The following CEP170B variants were observed in gnomAD, a reference collection of about 807,000 sequenced individuals.
CEP170B encodes the protein centrosomal protein 170B.
A neutral mutation model predicts 120.6 loss-of-function variants in CEP170B; 55 were observed. The observed-to-expected ratio is 0.46, with a 90% CI of 0.37 to 0.57. The LOEUF (loss-of-function observed/expected upper bound fraction) is 0.57, where lower values mean the gene tolerates loss of function less well. Ranked by LOEUF, CEP170B falls within the 20% of genes least tolerant of loss-of-function variation. The probability of loss-of-function intolerance (pLI) is 0.00; values close to 1 mark genes in which losing one functional copy is unlikely to be tolerated. For synonymous variants in CEP170B, 1,033 were observed against 954.5 expected (o/e 1.08, Z -1.52); for missense variants, 2,212 against 2,253.3 (o/e 0.98, Z 0.37).
intron 18 of CEP170B, 23 bp from the exon 19 acceptor site, chr14:104,894,688 T>C: frequency 6.4e-7 from 1 of 1,569,082 alleles, no homozygotes; most frequent in Non-Finnish European, 8.7e-7. Flanking sequence ...ATCCGCAGCC[T>C]GACCCTCCCT....
In CEP170B at chr14:104,886,872, C is replaced by T; in HGVS notation, c.2633C>T (p.Pro878Leu). Residue 878 changes from proline to leucine, a missense_variant, in exon 12 of 19, where the codon CCA (proline) becomes CTA (leucine). Coordinates refer to ENST00000414716, the MANE Select transcript of CEP170B (RefSeq NM_001112726.3). ...ACTAAGGAGCCAGCCAGTGGTCCCC[C>T]AGCGCCCGGCAAGCCCCCCCACATC... is the stretch of plus-strand genomic sequence containing the variant. ...SFTKEPASGP[P>L]APGKPPHISS... 6.2e-7 allele frequency: 1 copy of T among 1,610,658 alleles called. No homozygotes were observed. The highest frequency in any genetic ancestry group is 8.5e-7 in the Non-Finnish European group (1 of 1,179,806).
In CEP170B at chr14:104,877,748, G is replaced by A. The variant is rs562989853; in HGVS notation, c.196-137G>A. ...AGTGCTGCACAGGCCATCACTCGCC[G>A]TGGGTTCCAGAGAGTTGGTGCCCCC... On this transcript the variant is annotated intron_variant, in intron 3 of 18. Transcript: ENST00000414716. The A allele has an allele frequency of 4.8e-5, 31 of 648,816 alleles. 1 individual carries two copies. Among genetic ancestry groups the A allele is most frequent in the South Asian group, 1.9e-4 (11 of 57,048 alleles). The allele number at this position is 648,816 out of a possible 1,614,324, so 40.2% of individuals were successfully genotyped here. A position where few individuals can be genotyped will look rare whatever the true frequency, so the allele number is the denominator to read the frequency against.
At position 104,895,049 on chromosome 14, in the gene CEP170B, T is replaced by C; in HGVS notation, c.*91T>C. 7.2e-7 allele frequency: 1 copy of C among 1,390,526 alleles called. No homozygotes were observed. The highest frequency in any genetic ancestry group is 9.6e-7 in the Non-Finnish European group (1 of 1,045,444). 86.1% of individuals were successfully genotyped at this position (1,390,526 alleles called of 1,614,324 possible). A position where few individuals can be genotyped will look rare whatever the true frequency, so the allele number is the denominator to read the frequency against. Reference sequence around the variant, plus strand: ...CCGCCTGCCTGGCCGCAGGTGGTTCTCCCTGAAGACCCCCACATGTGCCAT... The same window carrying C: ...CCGCCTGCCTGGCCGCAGGTGGTTCCCCCTGAAGACCCCCACATGTGCCAT... On this transcript the variant is annotated 3_prime_UTR_variant, in exon 19 of 19. Transcript: ENST00000414716.
rs772484526 is a variant in CEP170B at position 104,883,285 on chromosome 14, C to T, written c.828C>T (p.Cys276=). Reference sequence around the variant, plus strand: ...CCTTCACCATCGAGTTTGATGACTGCAGCCCTGGCAAGATGAAGATCAAGG... The same window carrying T: ...CCTTCACCATCGAGTTTGATGACTGTAGCCCTGGCAAGATGAAGATCAAGG... ...HASFTIEFDD[C]SPGKMKIKDH... is the part of the protein sequence containing the mutation. Residue 276 remains cysteine (C), a synonymous_variant, in exon 8 of 19, where the codon TGC becomes TGT. Coordinates refer to ENST00000414716, the MANE Select transcript of CEP170B (RefSeq NM_001112726.3). 1.2e-6 allele frequency: 2 copies of T among 1,612,000 alleles called. No homozygotes were observed. The highest frequency in any genetic ancestry group is 3.3e-5 in the Admixed American group (2 of 59,950).
At chr14:104,890,088 G>GGGTGGGTA (rs1454065740) in intron 13 of CEP170B, among the ~76,000 whole-genome samples, 1 of 100,776 alleles carries the variant, frequency 9.9e-6, no homozygotes, top group Non-Finnish European at 2.0e-5. Context: ...GTGGATGGCT[G>GGGTGGGTA]GGTGGGTAGG....
intron 5 of CEP170B, 48 bp from the exon 6 acceptor site, chr14:104,880,239 C>G (rs1296242693): frequency 5.8e-6 from 9 of 1,553,786 alleles, no homozygotes; most frequent in Non-Finnish European, 7.8e-6. Flanking sequence ...CTGGTGGGTT[C>G]CTCCTGAGGC....
intron 3 of CEP170B, 45 bp from the exon 4 acceptor site, chr14:104,877,835 CACCCA>C: frequency 2.1e-6 from 1 of 473,638 alleles, no homozygotes; most frequent in Non-Finnish European, 3.7e-6. Context: ...TGCCCACAGC[CACCCA>C]CCCGCGCAGC....
At position 104,891,262 on chromosome 14, in the gene CEP170B, GGAGT is replaced by G. The variant is rs1440991239; in HGVS notation, c.3878+1508_3878+1511del. Among the ~76,000 whole-genome samples the G allele has an allele frequency of 2.0e-5, 3 of 152,158 alleles. No homozygotes were observed. Among genetic ancestry groups the G allele is most frequent in the African/African-American group, 7.2e-5 (3 of 41,418 alleles). Reference sequence around the variant, plus strand: ...GGAGGATGGGGTAGGGAGTTGGGTGGGAGTGAGAGTGGTCTTTGCCAAGCAGTGG... The same window carrying G: ...GGAGGATGGGGTAGGGAGTTGGGTGGGAGAGTGGTCTTTGCCAAGCAGTGG... On this transcript the variant is annotated intron_variant, in intron 13 of 18. Coordinates refer to ENST00000414716, the MANE Select transcript of CEP170B (RefSeq NM_001112726.3). This position sits in a 1 kb window ranked among gnomAD's most constrained non-coding sequence, Gnocchi z 4.3.
rs1268786852 is a variant in CEP170B, at chr14:104,887,544, C to T, written c.3305C>T (p.Ser1102Phe). ...GAGCAGAGCCGTAGCTCAGCCAGCT[C>T]CCAGAAGGGGCCGCAGGCCTTGACC... ...REEQSRSSAS[S>F]QKGPQALTRS... Residue 1102 changes from serine (S) to phenylalanine (F), a missense_variant, in exon 12 of 19, where the codon TCC becomes TTC. By Grantham distance (155) the Ser-to-Phe change is radical (BLOSUM62 -2). Transcript: ENST00000414716. 6.2e-7 allele frequency: 1 copy of T among 1,609,552 alleles called. No homozygotes were observed. Among genetic ancestry groups the T allele is most frequent in the Non-Finnish European group, 8.5e-7 (1 of 1,178,958 alleles).
At chr14:104,885,290 G>A in intron 9 of CEP170B, 79 bp from the exon 10 acceptor site, 1 of 1,429,790 alleles carries the variant, frequency 7.0e-7, no homozygotes, top group Non-Finnish European at 9.3e-7. Flanking sequence ...CCTGTGGCCT[G>A]GGGGTGGCCA....
Position 104,885,944 on chromosome 14 carries a change from T to C in CEP170B, c.1945-96T>C, listed in dbSNP as rs545621308. ...GGGTGGCGCGCATGCGTGGGGCTGG[T>C]GTTGGCTGCTCTGGACGCCCCTCCT... On this transcript the variant is annotated intron_variant, in intron 10 of 18. Coordinates refer to ENST00000414716, the MANE Select transcript of CEP170B (RefSeq NM_001112726.3). 237 of 1,094,856 alleles carry C rather than the reference T, an allele frequency of 2.2e-4. 5 individuals carry two copies. In the South Asian group the frequency reaches 3.6e-3, roughly 17 times the overall value. 67.8% of individuals were successfully genotyped at this position (1,094,856 alleles called of 1,614,324 possible).
Position 104,886,513 on chromosome 14 carries a change from C to A in CEP170B, c.2274C>A (p.Gly758=), listed in dbSNP as rs905054487. The A allele has an allele frequency of 2.0e-6, 3 of 1,508,810 alleles. No individual in the cohort carries two copies. Among genetic ancestry groups the A allele is most frequent in the African/African-American group, 1.4e-5 (1 of 72,166 alleles). 93.5% of individuals were successfully genotyped at this position (1,508,810 alleles called of 1,614,324 possible). The part of the protein sequence containing the change: ...SDASGSDGGR[G]PEPGVEPQDS... ...CCAGTGGGTCGGACGGGGGCCGAGG[C>A]CCCGAGCCAGGGGTGGAGCCACAGG... Residue 758 remains glycine (G), a synonymous_variant, in exon 12 of 19, where the codon GGC becomes GGA. Transcript: ENST00000414716.
At position 104,872,284 on chromosome 14, in the gene CEP170B, T is replaced by C. The variant is rs547762330; in HGVS notation, c.105+3729T>C. ...TGTGCGTGTGGGTGTGCCGTGTGTG[T>C]GCCGCGTGTGTGTGCCATGGGTGTG... is the stretch of plus-strand genomic sequence containing the variant. On this transcript the variant is annotated intron_variant, in intron 2 of 18. Coordinates refer to ENST00000414716, the MANE Select transcript of CEP170B (RefSeq NM_001112726.3). Among the ~76,000 whole-genome samples the C allele has an allele frequency of 2.7e-3, 148 of 54,950 alleles. 1 individual carries two copies. Among genetic ancestry groups the C allele is most frequent in the Admixed American group, 0.018 (101 of 5,632 alleles). 36.0% of individuals were successfully genotyped at this position (54,950 alleles called of 152,430 possible). A position where few individuals can be genotyped will look rare whatever the true frequency, so the allele number is the denominator to read the frequency against.
rs1331589806 is a variant in CEP170B at position 104,894,819 on chromosome 14, A to G, written c.4526A>G (p.Gln1509Arg). ...CTGGGGAAGGGCCGCGTGGCTGCCC[A>G]GAGCCCACCCTCACCCGCCTCAGCC... ...PGLGKGRVAA[Q>R]SPPSPASAEA... Residue 1509 changes from glutamine to arginine, a missense_variant, in exon 19 of 19, where the codon CAG becomes CGG. Physicochemically the swap from Gln to Arg is conservative, Grantham distance 43 (BLOSUM62 1). This residue lies in a region of CEP170B where 2,166 missense variants were observed against 2,166.7 expected (regional missense o/e 1.00). Transcript: ENST00000414716. The G allele has an allele frequency of 2.5e-6, 4 of 1,608,820 alleles. No homozygotes were observed. The highest frequency in any genetic ancestry group is 2.2e-5 in the East Asian group (1 of 44,816).
intron 1 of CEP170B, among the ~76,000 whole-genome samples, chr14:104,866,145 C>G (rs1295535356): frequency 1.3e-5 from 2 of 152,190 alleles, no homozygotes; most frequent in African/African-American, 4.8e-5. Context: ...CCAGCCCAGC[C>G]CCGAGGCAGC....
chr14:104,866,869 C>T (rs548947564), intron 1 of CEP170B, among the ~76,000 whole-genome samples: 3 of 152,252 alleles, frequency 2.0e-5, no homozygotes, highest in Admixed American at 6.5e-5. Context: ...GCACTCAGCC[C>T]GGCAGCCTCC....
At chr14:104,890,734 T>G (rs1315757608) in intron 13 of CEP170B, among the ~76,000 whole-genome samples, 2 of 112,692 alleles carry the variant, frequency 1.8e-5, no homozygotes, top group Non-Finnish European at 3.8e-5. Context: ...GGTGGATGGA[T>G]GGATGGATGA....
rs1318075073 is a variant in CEP170B at position 104,893,540 on chromosome 14, C to T, written c.4056C>T (p.Pro1352=). The change falls in exon 15 of 19, where the codon CCC becomes CCT. Residue 1352 remains proline, a synonymous_variant. Coordinates refer to ENST00000414716, the MANE Select transcript of CEP170B (RefSeq NM_001112726.3). ...SAREELVQRI[P]EASLNFQKVP... ...TCTTGCAGCTGGTGCAGCGCATCCC[C>T]GAGGCCAGCCTCAACTTCCAGAAGG... 5 of 1,604,472 alleles carry T rather than the reference C, an allele frequency of 3.1e-6. No homozygotes were observed. The highest frequency in any genetic ancestry group is 4.2e-6 in the Non-Finnish European group (5 of 1,177,094).
At chr14:104,876,509 A>T (rs56118449) in intron 3 of CEP170B, among the ~76,000 whole-genome samples, 164 bp downstream of exon 3, 60,950 of 129,434 alleles carry the variant, frequency 0.47, 14,885 homozygotes, top group Middle Eastern at 0.68. Flanking sequence ...CCTCCTTCTC[A>T]GCCCTGGCCC....
Sources: gnomAD v4.1 joint callset for allele counts (sites outside exome capture counted in the v4.1 genomes callset) on GRCh38, gnomAD v4.1.1 for gene constraint, gnomAD v4.1.1 regional missense constraint, Gnocchi (gnomAD v3.1) non-coding constraint, MANE v1.5 for transcripts, NCBI Gene and HGNC (gene_info 2026-07-23, HGNC 2026-07-21) for gene names.